Variants in PDK1 observed in about 807,000 individuals in gnomAD.
PDK1 encodes pyruvate dehydrogenase kinase 1.
PDK1 carries 39 observed loss-of-function variants against 54.2 expected under a neutral mutation model. That is an observed-to-expected ratio of 0.72 (90% confidence interval 0.56 to 0.94). The LOEUF (loss-of-function observed/expected upper bound fraction) is 0.94, where lower values mean the gene tolerates loss of function less well. Ranked by LOEUF, PDK1 falls within the 40% of genes least tolerant of loss-of-function variation. The pLI is 0.00. For synonymous variants in PDK1, 221 were observed against 207.1 expected (o/e 1.07, Z -0.58); for missense variants, 552 against 566.0 (o/e 0.98, Z 0.25).
the PDK1 span, among the ~76,000 whole-genome samples, chr2:172,657,065 G>C: frequency 1.3e-5 from 2 of 152,170 alleles, no homozygotes; most frequent in African/African-American, 4.8e-5. Flanking sequence ...CTGGGCTTCT[G>C]TTCTTGGTAA....
chr2:172,614,755 A>T, the PDK1 span, among the ~76,000 whole-genome samples: 1 of 152,320 alleles, frequency 6.6e-6, no homozygotes, highest in African/African-American at 2.4e-5. Flanking sequence ...TCTTCCCTGG[A>T]TGGAGGACAA....
chr2:172,680,182 A>G, the PDK1 span, among the ~76,000 whole-genome samples: 2 of 152,158 alleles, frequency 1.3e-5, no homozygotes, highest in Non-Finnish European at 2.9e-5. Flanking sequence ...TCACAATTGC[A>G]TATTAGTAAT....
intron 8 of PDK1, among the ~76,000 whole-genome samples, chr2:172,571,172 CAG>C (rs1433401106): frequency 1.3e-5 from 2 of 152,076 alleles, no homozygotes; most frequent in African/African-American, 4.8e-5. Flanking sequence ...AATTTTAAAA[CAG>C]TGCTTTCTAA....
chr2:172,592,818 G>A lies in PDK1; in HGVS notation c.1057-117G>A, dbSNP rs1161558420. 9.7e-6 allele frequency: 5 copies of A among 515,296 alleles called. No individual in the cohort carries two copies. The East Asian group carries it at 1.3e-4, about 14-fold the overall frequency. 31.9% of individuals were successfully genotyped at this position (515,296 alleles called of 1,614,324 possible). On this transcript the variant is annotated intron_variant, in intron 9 of 10. Coordinates refer to ENST00000282077, the MANE Select transcript of PDK1 (RefSeq NM_002610.5). Reference sequence around the variant, plus strand: ...AAATATTAATTATATTAAATATAATGCATCTCTCAGATGCGGGCTCTGATA... The same window carrying A: ...AAATATTAATTATATTAAATATAATACATCTCTCAGATGCGGGCTCTGATA...
At position 172,590,660 on chromosome 2, in the gene PDK1, G is replaced by C. The variant is rs569650290; in HGVS notation, c.1057-2275G>C. On this transcript the variant is annotated intron_variant, in intron 9 of 10. Transcript: ENST00000282077. ...GCAGCAGTAAGATTTATTGTGAAGA[G>C]TGAAAGAACAAAGTTTCCGCAGTGT... Among the ~76,000 whole-genome samples, 3 of 152,280 alleles carry C rather than the reference G, an allele frequency of 2.0e-5. No individual in the cohort carries two copies. The East Asian group carries it at 5.8e-4, about 29-fold the overall frequency.
At chr2:172,640,353 G>A in the PDK1 span, among the ~76,000 whole-genome samples, 4 of 152,112 alleles carry the variant, frequency 2.6e-5, no homozygotes, top group African/African-American at 7.2e-5. Flanking sequence ...TAGACACTAC[G>A]TCTAACTTTG....
chr2:172,623,831 G>C, the PDK1 span, among the ~76,000 whole-genome samples: 5 of 152,176 alleles, frequency 3.3e-5, no homozygotes, highest in Admixed American at 3.3e-4. Context: ...TACTTCATAG[G>C]ATAAGAGCAG....
At chr2:172,705,954 A>G in the PDK1 span, among the ~76,000 whole-genome samples, 1 of 152,204 alleles carries the variant, frequency 6.6e-6, no homozygotes, top group Non-Finnish European at 1.5e-5. Context: ...AAGGCTGTAG[A>G]TTCTCATGCA....
the PDK1 span, chr2:172,674,601 T>G: frequency 6.6e-6 from 1 of 152,428 alleles, no homozygotes. Context: ...TCTGCAGAAG[T>G]CGTCAGCACT....
chr2:172,649,789 C>T, the PDK1 span, among the ~76,000 whole-genome samples: 1 of 152,024 alleles, frequency 6.6e-6, no homozygotes, highest in African/African-American at 2.4e-5. Flanking sequence ...GTTTAGAGAA[C>T]ACAGAGTAAA....
the PDK1 span, among the ~76,000 whole-genome samples, chr2:172,708,753 A>G: frequency 3.3e-5 from 5 of 152,210 alleles, no homozygotes; most frequent in Non-Finnish European, 5.9e-5. Flanking sequence ...AAATTTATTT[A>G]TGTTTCATAT....
At chr2:172,720,500 G>A in the PDK1 span, among the ~76,000 whole-genome samples, 12 of 152,132 alleles carry the variant, frequency 7.9e-5, no homozygotes, top group Non-Finnish European at 1.6e-4. Context: ...TCTTCCCAAG[G>A]AATGGACTGC....
chr2:172,654,594 A>G, the PDK1 span, among the ~76,000 whole-genome samples: 184 of 133,824 alleles, frequency 1.4e-3, 1 homozygote, highest in African/African-American at 4.8e-3. Context: ...GGAACATCAC[A>G]CACCGGGGCC....
chr2:172,609,100 A>G (rs1400550784), downstream of PDK1, among the ~76,000 whole-genome samples: 2 of 152,236 alleles, frequency 1.3e-5, no homozygotes, highest in African/African-American at 4.8e-5. Context: ...TTGAAATAGC[A>G]CCCTAAATGC....
chr2:172,653,715 C>G, the PDK1 span, among the ~76,000 whole-genome samples: 4 of 152,108 alleles, frequency 2.6e-5, no homozygotes, highest in Non-Finnish European at 5.9e-5. Context: ...TAGGCATGGG[C>G]AAGGACTTCC....
chr2:172,668,863 G>A, the PDK1 span, among the ~76,000 whole-genome samples: 8 of 104,152 alleles, frequency 7.7e-5, no homozygotes, highest in East Asian at 3.6e-4. Context: ...ACATATATAT[G>A]TATGTATGTA....
chr2:172,675,532 C>T, the PDK1 span, among the ~76,000 whole-genome samples: 1 of 152,170 alleles, frequency 6.6e-6, no homozygotes, highest in Non-Finnish European at 1.5e-5. Context: ...TTCCCTTCAG[C>T]CAAAGTCTAA....
At chr2:172,653,472 G>A in the PDK1 span, among the ~76,000 whole-genome samples, 1 of 152,020 alleles carries the variant, frequency 6.6e-6, no homozygotes, top group Non-Finnish European at 1.5e-5. Context: ...GCATGGTCGT[G>A]GGCACCTGTA....
At chr2:172,644,104 C>A in the PDK1 span, among the ~76,000 whole-genome samples, 2 of 152,114 alleles carry the variant, frequency 1.3e-5, no homozygotes, top group African/African-American at 4.8e-5. Context: ...CTTGGAGATG[C>A]CCCGAGGGCA....
Sources: allele counts gnomAD v4.1 joint callset (sites outside exome capture counted in the v4.1 genomes callset), GRCh38; gene constraint gnomAD v4.1.1; transcripts MANE v1.5; gene names NCBI Gene and HGNC (gene_info 2026-07-23, HGNC 2026-07-21).